The following DGKH variants were observed in gnomAD, a reference collection of about 807,000 sequenced individuals.
The protein encoded by DGKH is diacylglycerol kinase eta.
In DGKH, 90 loss-of-function variants were observed where a neutral mutation model predicts 159.3. The observed-to-expected ratio is 0.57, with a 90% CI of 0.48 to 0.67. The LOEUF is 0.67. Among genes scored for constraint, DGKH ranks in the 30% least tolerant of loss-of-function variants. The pLI, the probability that DGKH is intolerant of heterozygous loss-of-function variation, is 0.00. For synonymous variants in DGKH, 536 were observed against 553.8 expected, an observed-to-expected ratio of 0.97 and a Z score of 0.45; for missense variants, 1,181 against 1,506.1, an observed-to-expected ratio of 0.78 and a Z score of 3.57.
Position 42,229,125 on chromosome 13 carries a change from T to G in DGKH, c.3600T>G (p.His1200Gln), listed in dbSNP as rs1275147691. 3.1e-5 allele frequency: 50 copies of G among 1,611,544 alleles called. No individual in the cohort carries two copies. The Admixed American group carries it at 8.4e-4, about 27-fold the overall frequency. The change falls in exon 30 of 30, where the codon CAT becomes CAG. Residue 1200 changes from histidine (H) to glutamine (Q), a missense_variant. Coordinates refer to ENST00000337343, the MANE Select transcript of DGKH (RefSeq NM_178009.5). ...ATCTGGGGATACCGAAAGTGGGTCA[T>G]GTGAAGCGAATTCTCCAGGGAATTA... is the stretch of plus-strand genomic sequence containing the variant. ...LKDLGIPKVGHVKRILQGIKE... is the reference protein window; with the variant it reads ...LKDLGIPKVGQVKRILQGIKE...
At chr13:42,101,432 TA>T (rs1191198855) in intron 1 of DGKH, among the ~76,000 whole-genome samples, 5 of 152,226 alleles carry the variant, frequency 3.3e-5, no homozygotes, top group Admixed American at 6.5e-5. Flanking sequence ...TAAAACCAAT[TA>T]AAATTTCACA....
chr13:42,173,980 TGTGC>T, intron 11 of DGKH, 76 bp from the exon 12 acceptor site: 1 of 847,908 alleles, frequency 1.2e-6, no homozygotes, highest in East Asian at 2.6e-5. Context: ...TGTGTGTGTG[TGTGC>T]GCGTTTATGA....
intron 1 of DGKH, among the ~76,000 whole-genome samples, chr13:42,093,862 G>C (rs1172982430): frequency 6.6e-6 from 1 of 152,142 alleles, no homozygotes. Context: ...GAGAAGCGGG[G>C]GAGTGGGGAG....
chr13:42,138,167 A>AG, intron 3 of DGKH: 1 of 937,448 alleles, frequency 1.1e-6, no homozygotes, highest in Non-Finnish European at 1.3e-6. Context: ...GGCTAATAGC[A>AG]GGGCACAGCT....
chr13:42,097,539 AAGTT>A (rs1954565828), intron 1 of DGKH, among the ~76,000 whole-genome samples: 1 of 152,152 alleles, frequency 6.6e-6, no homozygotes, highest in Admixed American at 6.5e-5. Context: ...ATCCAGTGGA[AAGTT>A]GTAGCCCCAG....
At chr13:42,101,787 GAGAGAGAA>G (rs1954656929) in intron 1 of DGKH, among the ~76,000 whole-genome samples, 2 of 151,866 alleles carry the variant, frequency 1.3e-5, no homozygotes, top group African/African-American at 4.8e-5. Context: ...GAGAGAGAGA[GAGAGAGAA>G]AGAGAGAGAA....
intron 3 of DGKH, among the ~76,000 whole-genome samples, chr13:42,139,767 TA>T (rs1005049505): frequency 1.0e-3 from 156 of 152,192 alleles, no homozygotes; most frequent in African/African-American, 3.7e-3. Context: ...CAGTGCTAAA[TA>T]AAAAAAATTG....
chr13:42,256,207 T>C, intron 30 of DGKH: 1 of 1,360,128 alleles, frequency 7.4e-7, no homozygotes, highest in Non-Finnish European at 1.1e-6. Context: ...GCAGTGGACA[T>C]TTTGAGTTGA....
rs377384721 is a variant in DGKH, at chr13:42,042,188, A to G, written c.-13+2062A>G. On this transcript the variant is annotated intron_variant, in intron 1 of 29. Coordinates refer to the DGKH transcript ENST00000379274. ...TCACAGGGGCTTAAGCTAGTCTCCA[A>G]ATTAAAAATACAATCCAGTTTTGAA... Among the ~76,000 whole-genome samples, 24 of 152,336 alleles carry G rather than the reference A, an allele frequency of 1.6e-4. No homozygotes were observed. In the South Asian group the frequency reaches 4.8e-3, roughly 30 times the overall value.
At chr13:42,187,489 G>A (rs907510449) in intron 14 of DGKH, among the ~76,000 whole-genome samples, 1 of 152,038 alleles carries the variant, frequency 6.6e-6, no homozygotes, top group Admixed American at 6.6e-5. Flanking sequence ...CGATTCTCCT[G>A]TCTCAGCCCC....
At chr13:42,248,648 A>T (rs895921231) in intron 29 of DGKH, among the ~76,000 whole-genome samples, 14 of 147,848 alleles carry the variant, frequency 9.5e-5, no homozygotes, top group African/African-American at 3.4e-4. Context: ...TATAATTATG[A>T]TATATATTTA....
Position 42,160,070 on chromosome 13 carries a change from C to G in DGKH, c.789C>G (p.Val263=), listed in dbSNP as rs1443817103. The part of the protein sequence containing the change: ...GNLPVSAKCA[V]CDKTCGSVLR... Reference sequence around the variant, plus strand: ...TGCCTGTAAGTGCCAAGTGTGCTGTCTGCGACAAAACATGTGGCAGTGTTC... The same window carrying G: ...TGCCTGTAAGTGCCAAGTGTGCTGTGTGCGACAAAACATGTGGCAGTGTTC... Residue 263 remains valine (V), a synonymous_variant, in exon 7 of 30, where the codon GTC becomes GTG. Transcript: ENST00000337343. 1.9e-6 allele frequency: 3 copies of G among 1,614,098 alleles called. No individual in the cohort carries two copies. The highest frequency in any genetic ancestry group is 1.7e-6 in the Non-Finnish European group (2 of 1,180,054).
intron 1 of DGKH, among the ~76,000 whole-genome samples, chr13:42,055,624 C>T (rs1455832054): frequency 4.6e-5 from 7 of 152,140 alleles, no homozygotes; most frequent in Admixed American, 6.5e-5. Flanking sequence ...CGTGGGGCCC[C>T]GTTCTGTTTC....
rs560427245 is a variant in DGKH at position 42,188,929 on chromosome 13, C to T, written c.1639-107C>T. ...AAGGTGAGAATTTTGGTGTTTTTCT[C>T]TCTAGTGATTAAACTTTCAAAACAT... On this transcript the variant is annotated intron_variant, in intron 14 of 29. Transcript: ENST00000337343. 941 of 1,303,414 alleles carry T rather than the reference C, an allele frequency of 7.2e-4. 16 individuals are homozygous for T. The highest frequency in any genetic ancestry group is 4.3e-4 in the Admixed American group (16 of 36,984). The allele number at this position is 1,303,414 out of a possible 1,614,324, so 80.7% of individuals were successfully genotyped here. A position where few individuals can be genotyped will look rare whatever the true frequency, so the allele number is the denominator to read the frequency against.
In DGKH at chr13:42,098,994, T is replaced by C. The variant is rs184917264; in HGVS notation, c.193-28469T>C. On this transcript the variant is annotated intron_variant, in intron 1 of 29. Coordinates refer to ENST00000337343, the MANE Select transcript of DGKH (RefSeq NM_178009.5). ...ATGCCAAATTCTATATTAGACTTAA[T>C]TGCAATAGAAGGTCAGAGAGAGAGA... Among the ~76,000 whole-genome samples the C allele has an allele frequency of 1.7e-4, 26 of 152,320 alleles. No individual in the cohort carries two copies. In the East Asian group the frequency reaches 5.0e-3, roughly 29 times the overall value.
chr13:42,256,007 A>C, intron 30 of DGKH: 1 of 1,564,714 alleles, frequency 6.4e-7, no homozygotes, highest in African/African-American at 1.3e-5. Flanking sequence ...CTGTAGTCTG[A>C]TGACGATAGC....
chr13:42,159,508 A>G (rs1359451374), intron 6 of DGKH, 136 bp downstream of exon 6: 8 of 709,026 alleles, frequency 1.1e-5, no homozygotes, highest in Non-Finnish European at 1.9e-5. Flanking sequence ...CTGAGTTTTT[A>G]TTTTTAATTC....
intron 29 of DGKH, among the ~76,000 whole-genome samples, chr13:42,226,526 G>A (rs1430275772): frequency 1.3e-5 from 2 of 152,110 alleles, no homozygotes; most frequent in African/African-American, 4.8e-5. Flanking sequence ...GTTAACAATA[G>A]CAAAGACATG....
At position 42,215,656 on chromosome 13, in the gene DGKH, A is replaced by G. The variant is rs1957771359; in HGVS notation, c.3202A>G (p.Arg1068Gly). 9 of 1,609,880 alleles carry G rather than the reference A, an allele frequency of 5.6e-6. No homozygotes were observed. In the African/African-American group the frequency reaches 1.2e-4, roughly 21 times the overall value. Residue 1068 changes from arginine (R) to glycine (G), a missense_variant, in exon 26 of 30, where the codon AGG becomes GGG. Arg to Gly is a moderately radical substitution (Grantham distance 125). This residue lies in a region of DGKH where 335 missense variants were observed against 495.2 expected (regional missense o/e 0.68). Transcript: ENST00000337343. ...YNETESLLVG[R>G]VPLQLESPHE... is the part of the protein sequence containing the mutation. ...TGAAACAGAATCTTTGCTAGTTGGC[A>G]GGGTTCCTTTGGTAAGGAAAAGAAT...
Sources: allele counts gnomAD v4.1 joint callset (sites outside exome capture counted in the v4.1 genomes callset), GRCh38; gene constraint gnomAD v4.1.1; regional missense constraint gnomAD v4.1.1; transcripts MANE v1.5; gene names NCBI Gene and HGNC (gene_info 2026-07-23, HGNC 2026-07-21).